The following XRCC5 variants were observed in gnomAD, a reference collection of about 807,000 sequenced individuals.
The protein encoded by XRCC5 is X-ray repair cross complementing 5, also known as DNA repair protein Ku80.
XRCC5 carries 12 observed loss-of-function variants against 95.7 expected under a neutral mutation model. The ratio of observed to expected loss-of-function variants is 0.13; its 90% CI spans 0.08 to 0.20. The LOEUF (loss-of-function observed/expected upper bound fraction) is 0.20. XRCC5 is among the 10% of genes least tolerant of loss of function. The pLI is 1.00. For missense variants in XRCC5, 595 were observed against 873.9 expected (o/e 0.68, Z 4.02); for synonymous variants, 281 against 290.3 (o/e 0.97, Z 0.33).
At chr2:216,142,126 A>G (rs1393568920) in intron 13 of XRCC5, among the ~76,000 whole-genome samples, 1 of 151,724 alleles carries the variant, frequency 6.6e-6, no homozygotes, top group Non-Finnish European at 1.5e-5. Flanking sequence ...AGTAGATGGG[A>G]CTCCAGGTGT....
chr2:216,122,804 G>A lies in XRCC5; in HGVS notation c.683+551G>A, dbSNP rs559973009. ...AGAGTTCATAGCCTACTTACTTTAC[G>A]TGGGCGTTGGAAAGGCAAAATGATT... On this transcript the variant is annotated intron_variant, in intron 6 of 20. Coordinates refer to ENST00000392132, the MANE Select transcript of XRCC5 (RefSeq NM_021141.4). 4.7e-5 allele frequency among the ~76,000 whole-genome samples: 7 copies of A among 150,292 alleles called. No individual in the cohort carries two copies. The South Asian group carries it at 1.5e-3, about 32-fold the overall frequency.
chr2:216,127,658 A>G lies in XRCC5; in HGVS notation c.921A>G (p.Lys307=). 1 of 1,604,508 alleles carries G rather than the reference A, an allele frequency of 6.2e-7. No individual in the cohort carries two copies. Among genetic ancestry groups the G allele is most frequent in the Non-Finnish European group, 8.5e-7 (1 of 1,177,394 alleles). The change falls in exon 8 of 21, where the codon AAA becomes AAG. Residue 307 remains lysine, a synonymous_variant. Transcript: ENST00000392132. ...ATGATGATGAAACTGAAGTTTTAAAAGAGGATATTATTCAAGGTATGTCAG... is the reference window on the plus strand; with the variant it reads ...ATGATGATGAAACTGAAGTTTTAAAGGAGGATATTATTCAAGGTATGTCAG... ...LNDDDETEVL[K]EDIIQGFRYG...
rs1689940209 is a variant in XRCC5 at position 216,206,174 on chromosome 2, T to C, written c.*972T>C. 2 of 152,248 alleles carry C rather than the reference T, an allele frequency of 1.3e-5. No individual in the cohort carries two copies. Among genetic ancestry groups the C allele is most frequent in the Non-Finnish European group, 2.9e-5 (2 of 68,060 alleles). 9.4% of individuals were successfully genotyped at this position (152,248 alleles called of 1,614,324 possible). ...TCTTGCCTTGAGTTCCAGTTCCTCT[T>C]TGGTGTACAGACTTCTTGGTACCCA... On this transcript the variant is annotated 3_prime_UTR_variant, in exon 21 of 21. Coordinates refer to ENST00000392132, the MANE Select transcript of XRCC5 (RefSeq NM_021141.4).
chr2:216,185,382 C>G (rs3770493), intron 16 of XRCC5, among the ~76,000 whole-genome samples: 1 of 152,038 alleles, frequency 6.6e-6, no homozygotes, highest in East Asian at 1.9e-4. Flanking sequence ...GCTTTTGATA[C>G]GTTTCTTAAA....
At chr2:216,150,344 CA>C (rs1688718947) in intron 14 of XRCC5, among the ~76,000 whole-genome samples, 1 of 152,086 alleles carries the variant, frequency 6.6e-6, no homozygotes, top group South Asian at 2.1e-4. Context: ...AGAAAAATCT[CA>C]AGAGATACTA....
chr2:216,143,995 G>A (rs986258171), intron 13 of XRCC5, among the ~76,000 whole-genome samples: 6 of 152,088 alleles, frequency 3.9e-5, no homozygotes, highest in Non-Finnish European at 7.4e-5. Flanking sequence ...GATTGCAGGC[G>A]TGAGCCACTG....
chr2:216,135,025 C>G (rs1697050656), intron 10 of XRCC5, among the ~76,000 whole-genome samples: 1 of 152,162 alleles, frequency 6.6e-6, no homozygotes, highest in South Asian at 2.1e-4. Context: ...TTGAATTGAA[C>G]TGAAAAAGTA....
In XRCC5 at chr2:216,143,132, T is replaced by C. The variant is rs7567096; in HGVS notation, c.1476+1813T>C. 8.4e-3 allele frequency among the ~76,000 whole-genome samples: 1,273 copies of C among 152,334 alleles called. 19 individuals carry two copies. Among genetic ancestry groups the C allele is most frequent in the African/African-American group, 0.03 (1,232 of 41,576 alleles). On this transcript the variant is annotated intron_variant, in intron 13 of 20. Coordinates refer to ENST00000392132, the MANE Select transcript of XRCC5 (RefSeq NM_021141.4). ...TACCCTTGGGAGCTGCAGCTTGATA[T>C]CACTGCCCAGCATTGTAAGTGTCCT...
At chr2:216,185,314 C>A (rs528506363) in intron 16 of XRCC5, among the ~76,000 whole-genome samples, 1 of 152,098 alleles carries the variant, frequency 6.6e-6, no homozygotes, top group African/African-American at 2.4e-5. Flanking sequence ...ATACACACAC[C>A]GCCTCTACCC....
At chr2:216,192,918 T>C (rs1689645051) in intron 18 of XRCC5, among the ~76,000 whole-genome samples, 183 bp downstream of exon 18, 1 of 152,220 alleles carries the variant, frequency 6.6e-6, no homozygotes, top group African/African-American at 2.4e-5. Context: ...AACTCTCCCT[T>C]AATAAGCATA....
chr2:216,174,345 A>T (rs979152048), intron 16 of XRCC5, among the ~76,000 whole-genome samples: 10 of 152,232 alleles, frequency 6.6e-5, no homozygotes, highest in African/African-American at 2.2e-4. Flanking sequence ...GGGACAGTAG[A>T]TTCCCCTTGA....
intron 2 of XRCC5, among the ~76,000 whole-genome samples, chr2:216,115,193 C>G (rs915584495): frequency 1.8e-4 from 28 of 152,086 alleles, no homozygotes; most frequent in African/African-American, 6.8e-4. Context: ...TTCGAGAAGA[C>G]CAAGAACCGA....
intron 16 of XRCC5, among the ~76,000 whole-genome samples, chr2:216,164,555 G>C (rs1295095532): frequency 6.6e-6 from 1 of 152,210 alleles, no homozygotes; most frequent in African/African-American, 2.4e-5. Flanking sequence ...TTAGGGTAGA[G>C]AATGAGTCTC....
chr2:216,178,867 T>C (rs995879528), intron 16 of XRCC5, among the ~76,000 whole-genome samples: 7 of 152,222 alleles, frequency 4.6e-5, no homozygotes, highest in African/African-American at 1.7e-4. Context: ...GACATGTTCA[T>C]TCCTTAGGCT....
chr2:216,131,701 G>A (rs983159617), intron 9 of XRCC5, among the ~76,000 whole-genome samples: 9 of 152,144 alleles, frequency 5.9e-5, no homozygotes, highest in Non-Finnish European at 1.5e-5. Context: ...ACTCTTAGGA[G>A]GAAATGCAAA....
intron 1 of XRCC5, 90 bp from the exon 2 acceptor site, chr2:216,112,926 C>T: frequency 7.4e-6 from 7 of 950,832 alleles, no homozygotes; most frequent in South Asian, 3.0e-5. Flanking sequence ...AATACTGATA[C>T]AGGTTCATGA....
intron 14 of XRCC5, among the ~76,000 whole-genome samples, chr2:216,149,888 C>T (rs990533906): frequency 6.6e-6 from 1 of 152,178 alleles, no homozygotes; most frequent in Non-Finnish European, 1.5e-5. Context: ...GTTAATCTTG[C>T]AGGGGCCTGA....
intron 1 of XRCC5, among the ~76,000 whole-genome samples, 176 bp from the exon 2 acceptor site, chr2:216,112,840 G>T (rs758730496): frequency 6.6e-6 from 1 of 152,108 alleles, no homozygotes; most frequent in Non-Finnish European, 1.5e-5. Context: ...ACTATTTAAG[G>T]GTTTTCCATA....
chr2:216,185,223 C>A (rs1295770838), intron 16 of XRCC5, among the ~76,000 whole-genome samples: 1 of 152,168 alleles, frequency 6.6e-6, no homozygotes, highest in Non-Finnish European at 1.5e-5. Context: ...CACTTCGTAA[C>A]CTGCAAAACA....
Sources: gnomAD v4.1 joint callset for allele counts (sites outside exome capture counted in the v4.1 genomes callset) on GRCh38, gnomAD v4.1.1 for gene constraint, MANE v1.5 for transcripts, NCBI Gene and HGNC (gene_info 2026-07-23, HGNC 2026-07-21) for gene names.